SLC41A2: variants seen among roughly 807,000 people sequenced by gnomAD.
The protein encoded by SLC41A2 is SLC41A1-like 1.
In SLC41A2, 32 loss-of-function variants were observed where a neutral mutation model predicts 58.3. The ratio of observed to expected loss-of-function variants is 0.55; its 90% CI spans 0.41 to 0.74. The LOEUF is 0.74. Among genes scored for constraint, SLC41A2 ranks in the 30% least tolerant of loss-of-function variants. The pLI is 0.00. For missense variants in SLC41A2, 514 were observed against 680.6 expected, an observed-to-expected ratio of 0.76 and a Z score of 2.72; for synonymous variants, 190 against 235.0, an observed-to-expected ratio of 0.81 and a Z score of 1.75.
At chr12:104,877,637 C>G (rs2044115937) in intron 6 of SLC41A2, among the ~76,000 whole-genome samples, 1 of 152,090 alleles carries the variant, frequency 6.6e-6, no homozygotes, top group African/African-American at 2.4e-5. Flanking sequence ...ATACCGAAAG[C>G]TTTAGATGGC....
intron 10 of SLC41A2, among the ~76,000 whole-genome samples, chr12:104,828,421 G>A (rs917665993): frequency 2.0e-5 from 3 of 152,168 alleles, no homozygotes; most frequent in Non-Finnish European, 2.9e-5. Flanking sequence ...ACAGAAAGCC[G>A]TCTGTCCTTG....
chr12:104,896,009 T>C (rs2135708235), intron 3 of SLC41A2, among the ~76,000 whole-genome samples: 1 of 152,320 alleles, frequency 6.6e-6, no homozygotes, highest in East Asian at 1.9e-4. Context: ...TTTCCAAATC[T>C]GCCAAGTTTT....
intron 8 of SLC41A2, among the ~76,000 whole-genome samples, chr12:104,855,488 G>C (rs938952590): frequency 6.6e-6 from 1 of 152,080 alleles, no homozygotes; most frequent in Admixed American, 6.5e-5. Context: ...ACCCTTGAAC[G>C]TTATATAAAT....
chr12:104,847,603 CA>C (rs61636915), intron 8 of SLC41A2, among the ~76,000 whole-genome samples: 890 of 86,364 alleles, frequency 0.01, 5 homozygotes, highest in Middle Eastern at 0.047. Context: ...GACTCTGTCT[CA>C]AAAAAAAAAA....
chr12:104,885,021 T>A (rs1320028245), intron 6 of SLC41A2, among the ~76,000 whole-genome samples: 1 of 152,088 alleles, frequency 6.6e-6, no homozygotes, highest in Non-Finnish European at 1.5e-5. Context: ...TTTAATAACA[T>A]AACCCACTTC....
At chr12:104,942,475 C>CA (rs2047549747) in intron 1 of SLC41A2, among the ~76,000 whole-genome samples, 25 of 86,178 alleles carry the variant, frequency 2.9e-4, no homozygotes, top group Admixed American at 9.2e-4. Context: ...GAGATCTTGT[C>CA]CAAAAAAAAA....
intron 1 of SLC41A2, among the ~76,000 whole-genome samples, chr12:104,955,546 A>AC (rs2048131428): frequency 6.6e-6 from 1 of 152,092 alleles, no homozygotes; most frequent in Non-Finnish European, 1.5e-5. Flanking sequence ...ATTTGCCCAC[A>AC]CCGTATTCAG....
chr12:104,880,365 G>A (rs991649661), intron 6 of SLC41A2, among the ~76,000 whole-genome samples: 2 of 152,162 alleles, frequency 1.3e-5, no homozygotes, highest in South Asian at 4.1e-4. Context: ...GAATAGGAGT[G>A]GTGAGAGAGG....
intron 10 of SLC41A2, chr12:104,834,129 G>A (rs530196750): frequency 4.1e-6 from 4 of 983,896 alleles, no homozygotes; most frequent in East Asian, 1.1e-4. Context: ...CAATAAAGCA[G>A]ACAGTCATTT....
chr12:104,883,232 C>T lies in SLC41A2; in HGVS notation c.1027+3061G>A, dbSNP rs188256507. On this transcript the variant is annotated intron_variant, in intron 6 of 10. Transcript: ENST00000258538. ...GTTAGCCATTCATCTAGTCTTTTTTCAAGGTTTTTAGCTTCCTTGCAATGG... is the reference window on the plus strand; with the variant it reads ...GTTAGCCATTCATCTAGTCTTTTTTTAAGGTTTTTAGCTTCCTTGCAATGG... Among the ~76,000 whole-genome samples, 976 of 152,144 alleles carry T rather than the reference C, an allele frequency of 6.4e-3. 49 individuals carry two copies. Among genetic ancestry groups the T allele is most frequent in the Admixed American group, 0.057 (874 of 15,282 alleles).
intron 5 of SLC41A2, among the ~76,000 whole-genome samples, chr12:104,888,625 C>T (rs1200688737): frequency 6.6e-6 from 1 of 151,950 alleles, no homozygotes; most frequent in Non-Finnish European, 1.5e-5. Context: ...AAATCTGAAA[C>T]AAAAAAATTT....
chr12:104,930,612 G>T (rs1163920147), intron 1 of SLC41A2, among the ~76,000 whole-genome samples: 1 of 152,192 alleles, frequency 6.6e-6, no homozygotes, highest in Non-Finnish European at 1.5e-5. Flanking sequence ...CCCTCCTGAT[G>T]CAGAATTACC....
intron 3 of SLC41A2, among the ~76,000 whole-genome samples, chr12:104,908,833 G>C (rs2135775626): frequency 6.6e-6 from 1 of 152,236 alleles, no homozygotes; most frequent in Admixed American, 6.5e-5. Context: ...TAAAAGTACA[G>C]ATTTCTTTTT....
chr12:104,857,435 G>A (rs2043057587), intron 8 of SLC41A2, among the ~76,000 whole-genome samples: 1 of 152,190 alleles, frequency 6.6e-6, no homozygotes, highest in Admixed American at 6.5e-5. Flanking sequence ...CATTGTGGAA[G>A]ACAGTGTGGC....
At position 104,940,927 on chromosome 12, in the gene SLC41A2, T is replaced by C. The variant is rs568151737; in HGVS notation, c.-167-12233A>G. On this transcript the variant is annotated intron_variant, in intron 1 of 10. Transcript: ENST00000258538. ...CTGCCTCCGAGTGACAGAGCAAGAC[T>C]CTGCCTCAAAAAAAAAAAAAAAAAA... 9.5e-5 allele frequency among the ~76,000 whole-genome samples: 11 copies of C among 115,682 alleles called. No homozygotes were observed. In the East Asian group the frequency reaches 2.5e-3, roughly 26 times the overall value. 75.9% of individuals were successfully genotyped at this position (115,682 alleles called of 152,430 possible). A position where few individuals can be genotyped will look rare whatever the true frequency, so the allele number is the denominator to read the frequency against.
At chr12:104,953,956 C>T (rs2048052679) in intron 1 of SLC41A2, among the ~76,000 whole-genome samples, 1 of 152,062 alleles carries the variant, frequency 6.6e-6, no homozygotes, top group Admixed American at 6.5e-5. Context: ...TCCACTTTTC[C>T]TATTTAGACA....
chr12:104,921,981 T>A (rs2046617716), intron 2 of SLC41A2, among the ~76,000 whole-genome samples: 1 of 152,192 alleles, frequency 6.6e-6, no homozygotes, highest in South Asian at 2.1e-4. Context: ...TTATAAGATT[T>A]TTTTTTAAGC....
chr12:104,904,905 AAAGCTTCCACACTGTGGAAGGGG>A (rs1329252099), intron 3 of SLC41A2, among the ~76,000 whole-genome samples: 1 of 152,114 alleles, frequency 6.6e-6, no homozygotes, highest in Admixed American at 6.5e-5. Flanking sequence ...ACAAAAGACC[AAAGCTTCCACACTGTGGAAGGGG>A]ACCCAAGCGG....
rs112015657 is a variant in SLC41A2, at chr12:104,924,499, C to T, written c.555+3474G>A. 3.0e-3 allele frequency among the ~76,000 whole-genome samples: 451 copies of T among 152,230 alleles called. 3 individuals carry two copies. Among genetic ancestry groups the T allele is most frequent in the African/African-American group, 0.01 (418 of 41,534 alleles). On this transcript the variant is annotated intron_variant, in intron 2 of 10. Coordinates refer to ENST00000258538, the MANE Select transcript of SLC41A2 (RefSeq NM_001352171.3). ...GTGGCTCACGCCTGTAATCCCAGCA[C>T]TTTGGGAGGCTGAGGCAGGCGGATC...
Sources: allele counts gnomAD v4.1 joint callset (sites outside exome capture counted in the v4.1 genomes callset), GRCh38; gene constraint gnomAD v4.1.1; transcripts MANE v1.5; gene names NCBI Gene and HGNC (gene_info 2026-07-23, HGNC 2026-07-21).